Variants in LINGO2 observed in about 807,000 individuals in gnomAD.
LINGO2 encodes the protein leucine rich repeat and Ig domain containing 2.
LINGO2 carries 14 observed loss-of-function variants against 30.6 expected under a neutral mutation model. The observed-to-expected ratio is 0.46, with a 90% CI of 0.30 to 0.72. The LOEUF (loss-of-function observed/expected upper bound fraction) is 0.72. Ranked by LOEUF, LINGO2 falls within the 30% of genes least tolerant of loss-of-function variation. The pLI is 0.07. For synonymous variants in LINGO2, 317 were observed against 288.5 expected (o/e 1.10, Z -1.00); for missense variants, 729 against 751.7 (o/e 0.97, Z 0.35).
Position 28,130,421 on chromosome 9 carries a change from C to T in LINGO2, c.-86-118016G>A, listed in dbSNP as rs1827349835. On this transcript the variant is annotated intron_variant, in intron 4 of 5. Coordinates refer to ENST00000379992, the Ensembl canonical transcript of LINGO2. The surrounding 1 kb of genome is among the most constrained non-coding windows in gnomAD (Gnocchi z 5.2). ...TGGGAGACAGTGCCAGACTGCTAAA[C>T]TTTAAGTTCTTTTTCTTCCCAATTT... 6.6e-6 allele frequency among the ~76,000 whole-genome samples: 1 copy of T among 152,182 alleles called. No individual in the cohort carries two copies. Among genetic ancestry groups the T allele is most frequent in the Non-Finnish European group, 1.5e-5 (1 of 68,036 alleles).
At chr9:28,310,230 G>T (rs1824557259) in intron 3 of LINGO2, among the ~76,000 whole-genome samples, 1 of 152,114 alleles carries the variant, frequency 6.6e-6, no homozygotes, top group African/African-American at 2.4e-5. Context: ...ACAAACACTT[G>T]TCCACAGTCG....
chr9:29,082,126 C>T, the LINGO2 span, among the ~76,000 whole-genome samples: 21 of 151,876 alleles, frequency 1.4e-4, no homozygotes, highest in African/African-American at 3.9e-4. Flanking sequence ...GCCAAGTCAA[C>T]CCTAAGCCAA....
intron 1 of LINGO2, among the ~76,000 whole-genome samples, chr9:28,574,967 A>G (rs541102555): frequency 1.5e-4 from 23 of 152,324 alleles, no homozygotes; most frequent in South Asian, 8.3e-4. Flanking sequence ...ATGCTCATCA[A>G]TGGTGGACTG....
At chr9:29,018,925 C>T in the LINGO2 span, among the ~76,000 whole-genome samples, 26 of 152,136 alleles carry the variant, frequency 1.7e-4, no homozygotes, top group Admixed American at 1.7e-3. Flanking sequence ...AGCAAAAAGA[C>T]TTGAAGAAGC....
the LINGO2 span, among the ~76,000 whole-genome samples, chr9:28,767,478 T>C: frequency 6.6e-6 from 1 of 152,128 alleles, no homozygotes. Flanking sequence ...TAGTTTAGTC[T>C]TGCCCATTAA....
At chr9:28,622,907 T>C (rs915935534) in intron 1 of LINGO2, among the ~76,000 whole-genome samples, 3 of 152,100 alleles carry the variant, frequency 2.0e-5, no homozygotes, top group Admixed American at 2.0e-4. Context: ...TGATATCTCA[T>C]TGCAGTATTG....
intron 1 of LINGO2, among the ~76,000 whole-genome samples, chr9:28,631,453 C>T (rs1304890437): frequency 2.0e-5 from 3 of 152,006 alleles, no homozygotes; most frequent in Non-Finnish European, 4.4e-5. Context: ...CCAGTTTCAG[C>T]TTTCTACATA....
intron 1 of LINGO2, among the ~76,000 whole-genome samples, chr9:28,530,224 ATGG>A (rs1821178679): frequency 6.6e-6 from 1 of 152,096 alleles, no homozygotes; most frequent in Non-Finnish European, 1.5e-5. Context: ...TAGCACGATG[ATGG>A]TGATGATGAT....
chr9:28,836,434 C>A, the LINGO2 span, among the ~76,000 whole-genome samples: 6 of 152,056 alleles, frequency 3.9e-5, no homozygotes, highest in Non-Finnish European at 8.8e-5. Flanking sequence ...CCTGTCTCAG[C>A]CTCCCAAGTA....
intron 1 of LINGO2, among the ~76,000 whole-genome samples, chr9:28,504,288 G>A (rs1820010830): frequency 6.6e-6 from 1 of 151,694 alleles, no homozygotes; most frequent in African/African-American, 2.4e-5. Context: ...TTAAAACACT[G>A]TGCTAAATTT....
At chr9:28,733,570 C>G in the LINGO2 span, among the ~76,000 whole-genome samples, 1 of 152,162 alleles carries the variant, frequency 6.6e-6, no homozygotes, top group Non-Finnish European at 1.5e-5. Flanking sequence ...TCTCACCTAA[C>G]ACACTTATGA....
the LINGO2 span, among the ~76,000 whole-genome samples, chr9:28,901,907 T>C: frequency 3.3e-5 from 5 of 152,210 alleles, no homozygotes; most frequent in African/African-American, 1.2e-4. Flanking sequence ...AAGACATAGA[T>C]TGACCAGGAA....
chr9:28,841,278 TAGAATA>T, the LINGO2 span, among the ~76,000 whole-genome samples: 1 of 151,688 alleles, frequency 6.6e-6, no homozygotes. Context: ...TGGCTGGACA[TAGAATA>T]AGAGCTCAAA....
In LINGO2 at chr9:28,314,444, T is replaced by G. The variant is rs555758706; in HGVS notation, c.-245-19078A>C. Among the ~76,000 whole-genome samples the G allele has an allele frequency of 1.6e-3, 248 of 152,266 alleles. 2 individuals are homozygous for G. The highest frequency in any genetic ancestry group is 5.8e-3 in the African/African-American group (242 of 41,550). Reference sequence around the variant, plus strand: ...GAGCTTAACCCTGTACTCTAACACCTTCCTTCCACCTGTCTCCTGTTCCTT... The same window carrying G: ...GAGCTTAACCCTGTACTCTAACACCGTCCTTCCACCTGTCTCCTGTTCCTT... On this transcript the variant is annotated intron_variant, in intron 3 of 5. Coordinates refer to ENST00000379992, the Ensembl canonical transcript of LINGO2.
intron 2 of LINGO2, among the ~76,000 whole-genome samples, chr9:28,427,375 G>A (rs1055413731): frequency 6.6e-6 from 1 of 152,046 alleles, no homozygotes; most frequent in African/African-American, 2.4e-5. Context: ...GTATGAATAC[G>A]ATCACTTCAC....
intron 5 of LINGO2, among the ~76,000 whole-genome samples, chr9:27,968,896 C>T (rs1194531863): frequency 1.3e-5 from 2 of 149,474 alleles, no homozygotes; most frequent in South Asian, 2.1e-4. Flanking sequence ...AATTTCTCAC[C>T]TCTCTCTCTC....
chr9:29,104,369 C>G, the LINGO2 span, among the ~76,000 whole-genome samples: 2 of 152,032 alleles, frequency 1.3e-5, no homozygotes, highest in East Asian at 1.9e-4. Flanking sequence ...CACTCTCTCT[C>G]CTGCTCTGCC....
At chr9:28,697,815 C>G in the LINGO2 span, among the ~76,000 whole-genome samples, 20 of 152,062 alleles carry the variant, frequency 1.3e-4, 1 homozygote, top group African/African-American at 4.8e-4. Flanking sequence ...CTTATTGCTG[C>G]AATATTTTAT....
chr9:28,912,883 C>T, the LINGO2 span, among the ~76,000 whole-genome samples: 2 of 152,140 alleles, frequency 1.3e-5, no homozygotes, highest in Admixed American at 6.5e-5. Context: ...TCCTGGCCTT[C>T]TTGAGATTGT....
Sources: gnomAD v4.1 joint callset for allele counts (sites outside exome capture counted in the v4.1 genomes callset) on GRCh38, gnomAD v4.1.1 for gene constraint, Gnocchi (gnomAD v3.1) non-coding constraint, MANE v1.5 for transcripts, NCBI Gene and HGNC (gene_info 2026-07-23, HGNC 2026-07-21) for gene names.